The following RPH3A variants were observed in gnomAD, a reference collection of about 807,000 sequenced individuals.
The protein encoded by RPH3A is rabphilin 3A, also known as rabphilin-3A.
Under a neutral mutation model 102.2 loss-of-function variants are expected in RPH3A, and 48 were observed. That is an observed-to-expected ratio of 0.47 (90% confidence interval 0.37 to 0.60). RPH3A has a LOEUF of 0.60. Among genes scored for constraint, RPH3A ranks in the 20% least tolerant of loss-of-function variants. The probability of loss-of-function intolerance (pLI) is 0.00; values close to 1 mark genes in which losing one functional copy is unlikely to be tolerated. For missense variants in RPH3A, 781 were observed against 910.1 expected (o/e 0.86, Z 1.83); for synonymous variants, 310 against 324.3 (o/e 0.96, Z 0.47).
intron 1 of RPH3A, among the ~76,000 whole-genome samples, chr12:112,638,115 C>T (rs1044205898): frequency 3.3e-5 from 5 of 152,016 alleles, no homozygotes; most frequent in Non-Finnish European, 7.4e-5. Flanking sequence ...CCTCTTAGTT[C>T]CCATGAAAGC....
chr12:112,684,081 C>T (rs973181236), intron 1 of RPH3A, among the ~76,000 whole-genome samples: 1 of 151,888 alleles, frequency 6.6e-6, no homozygotes, highest in Admixed American at 6.6e-5. Context: ...ATATAGATAT[C>T]GATATGATCA....
chr12:112,775,063 G>C (rs2040956619), intron 1 of RPH3A, among the ~76,000 whole-genome samples: 1 of 151,844 alleles, frequency 6.6e-6, no homozygotes, highest in Non-Finnish European at 1.5e-5. Context: ...TGAGGGGTGG[G>C]GTTAAGGGGA....
chr12:112,795,776 C>T (rs1035794722), intron 2 of RPH3A, among the ~76,000 whole-genome samples: 1 of 152,134 alleles, frequency 6.6e-6, no homozygotes, highest in African/African-American at 2.4e-5. Context: ...CCTCAATTTT[C>T]CCATCTACAA....
At chr12:112,713,622 A>G (rs1006283980) in intron 1 of RPH3A, among the ~76,000 whole-genome samples, 2 of 151,812 alleles carry the variant, frequency 1.3e-5, no homozygotes, top group African/African-American at 4.8e-5. Context: ...TTTGAGACTC[A>G]TGCTTTTGCC....
At chr12:112,738,441 T>C (rs1458777463) in intron 1 of RPH3A, among the ~76,000 whole-genome samples, 3 of 152,168 alleles carry the variant, frequency 2.0e-5, no homozygotes, top group Non-Finnish European at 4.4e-5. Context: ...TGCAGATACC[T>C]TATTTCCAAA....
chr12:112,886,244 A>T (rs1276356390), intron 16 of RPH3A, among the ~76,000 whole-genome samples: 3 of 152,066 alleles, frequency 2.0e-5, no homozygotes, highest in Admixed American at 6.6e-5. Flanking sequence ...TGTCAGGATG[A>T]ATTATCATGC....
chr12:112,596,249 C>T (rs972683416), intron 1 of RPH3A, among the ~76,000 whole-genome samples: 1 of 152,178 alleles, frequency 6.6e-6, no homozygotes, highest in African/African-American at 2.4e-5. Context: ...TCAAGTGACC[C>T]TCCTACCTTA....
At chr12:112,876,615 A>G (rs1202145114) in intron 12 of RPH3A, 27 bp from the exon 13 acceptor site, 2 of 1,504,298 alleles carry the variant, frequency 1.3e-6, no homozygotes, top group Admixed American at 4.2e-5. Context: ...ATGCAGCTGC[A>G]TGTTTCCTGT....
At chr12:112,777,520 A>C (rs1257928417) in intron 1 of RPH3A, among the ~76,000 whole-genome samples, 1 of 152,212 alleles carries the variant, frequency 6.6e-6, no homozygotes, top group East Asian at 1.9e-4. Flanking sequence ...TTTAAAGAAC[A>C]CGTAGGTGCC....
At chr12:112,815,149 C>T (rs1056378346) in intron 2 of RPH3A, among the ~76,000 whole-genome samples, 1 of 152,168 alleles carries the variant, frequency 6.6e-6, no homozygotes, top group Non-Finnish European at 1.5e-5. Context: ...CAACCAGAAG[C>T]CAGAGGGCCA....
intron 2 of RPH3A, among the ~76,000 whole-genome samples, chr12:112,794,289 G>A (rs950933318): frequency 6.6e-6 from 1 of 152,234 alleles, no homozygotes; most frequent in Non-Finnish European, 1.5e-5. Context: ...TCCCCTTCAA[G>A]TTCTGGGGTT....
intron 1 of RPH3A, among the ~76,000 whole-genome samples, chr12:112,768,232 C>T (rs953962382): frequency 1.3e-5 from 2 of 152,072 alleles, no homozygotes; most frequent in Non-Finnish European, 2.9e-5. Context: ...CTCAATGGTT[C>T]CCCCTCCTCT....
chr12:112,721,047 T>C (rs2040546915), intron 1 of RPH3A, among the ~76,000 whole-genome samples: 1 of 152,328 alleles, frequency 6.6e-6, no homozygotes, highest in Non-Finnish European at 1.5e-5. Context: ...CTCATCCATC[T>C]GACAAATAGT....
chr12:112,716,063 A>G (rs764061744), intron 1 of RPH3A, among the ~76,000 whole-genome samples: 2 of 152,206 alleles, frequency 1.3e-5, no homozygotes, highest in Non-Finnish European at 1.5e-5. Context: ...ATGCTAATAC[A>G]TTATAATTAG....
chr12:112,871,851 T>C (rs1439529847), intron 10 of RPH3A, among the ~76,000 whole-genome samples: 1 of 150,016 alleles, frequency 6.7e-6, no homozygotes, highest in Non-Finnish European at 1.5e-5. Flanking sequence ...ATATACTATA[T>C]ATAGTGGTGT....
At chr12:112,620,643 C>G (rs2135979991) in intron 1 of RPH3A, among the ~76,000 whole-genome samples, 1 of 152,322 alleles carries the variant, frequency 6.6e-6, no homozygotes, top group East Asian at 1.9e-4. Context: ...GTAGGAACTT[C>G]ATATGGAACT....
Position 112,880,358 on chromosome 12 carries a change from C to T in RPH3A, c.1251+1160C>T, listed in dbSNP as rs142555672. ...GCACTTAACACTGCCCCTCCACCCC[C>T]GCCAATAACACAGTGAAGTAAGTGC... On this transcript the variant is annotated intron_variant, in intron 14 of 21. Coordinates refer to ENST00000389385, the MANE Select transcript of RPH3A (RefSeq NM_001143854.2). Among the ~76,000 whole-genome samples, 299 of 152,274 alleles carry T rather than the reference C, an allele frequency of 2.0e-3. 4 individuals are homozygous for T. Among genetic ancestry groups the T allele is most frequent in the Admixed American group, 0.014 (221 of 15,294 alleles).
chr12:112,842,509 T>C (rs2042162942), intron 4 of RPH3A, among the ~76,000 whole-genome samples: 1 of 152,194 alleles, frequency 6.6e-6, no homozygotes, highest in Admixed American at 6.5e-5. Context: ...CAGAGCTATA[T>C]GACCCCAAAG....
intron 1 of RPH3A, among the ~76,000 whole-genome samples, chr12:112,679,520 G>A (rs2040212471): frequency 6.6e-6 from 1 of 152,096 alleles, no homozygotes; most frequent in South Asian, 2.1e-4. Context: ...CCACCTCCCG[G>A]ATTTAAGCAG....
Sources: gnomAD v4.1 joint callset for allele counts (sites outside exome capture counted in the v4.1 genomes callset) on GRCh38, gnomAD v4.1.1 for gene constraint, MANE v1.5 for transcripts, NCBI Gene and HGNC (gene_info 2026-07-23, HGNC 2026-07-21) for gene names.